The following STXBP4 variants were observed in gnomAD, a reference collection of about 807,000 sequenced individuals.
STXBP4 encodes syntaxin-binding protein 4.
STXBP4 carries 55 observed loss-of-function variants against 76.1 expected under a neutral mutation model. The observed-to-expected ratio is 0.72, with a 90% CI of 0.58 to 0.91. The LOEUF is 0.91. Among genes scored for constraint, STXBP4 ranks in the 40% least tolerant of loss-of-function variants. The pLI is 0.00. For missense variants in STXBP4, 618 were observed against 636.9 expected (o/e 0.97, Z 0.32); for synonymous variants, 201 against 220.2 (o/e 0.91, Z 0.77).
intron 16 of STXBP4, among the ~76,000 whole-genome samples, chr17:55,138,665 A>G (rs1200340954): frequency 1.1e-4 from 17 of 152,150 alleles, no homozygotes; most frequent in Admixed American, 1.0e-3. Flanking sequence ...ATTTCCAAGT[A>G]TAAAGATATG....
chr17:55,053,113 A>G (rs1185383768), intron 12 of STXBP4, among the ~76,000 whole-genome samples: 1 of 152,044 alleles, frequency 6.6e-6, no homozygotes, highest in East Asian at 1.9e-4. Flanking sequence ...AAAGGATATT[A>G]TTGGGTCAGT....
intron 10 of STXBP4, among the ~76,000 whole-genome samples, chr17:55,035,832 G>C (rs1224362501): frequency 6.6e-6 from 1 of 151,706 alleles, no homozygotes; most frequent in East Asian, 1.9e-4. Context: ...CATAAGTCTT[G>C]ATATCTAATA....
At chr17:55,198,961 GAC>G in the STXBP4 span, among the ~76,000 whole-genome samples, 1 of 152,156 alleles carries the variant, frequency 6.6e-6, no homozygotes, top group Non-Finnish European at 1.5e-5. Flanking sequence ...TAAAGGCTCT[GAC>G]ACAGTCTTTC....
chr17:55,079,934 A>T (rs2079235568), intron 15 of STXBP4, among the ~76,000 whole-genome samples: 1 of 152,174 alleles, frequency 6.6e-6, no homozygotes, highest in Non-Finnish European at 1.5e-5. Flanking sequence ...AAGGAACCTG[A>T]CATAACTTCT....
intron 1 of STXBP4, among the ~76,000 whole-genome samples, chr17:54,970,482 C>G (rs893908345): frequency 4.6e-5 from 7 of 152,310 alleles, no homozygotes; most frequent in East Asian, 1.9e-4. Flanking sequence ...TAAATACCTT[C>G]TGACTTCTTT....
the STXBP4 span, among the ~76,000 whole-genome samples, chr17:55,192,846 A>AAT: frequency 6.6e-6 from 1 of 152,174 alleles, no homozygotes; most frequent in Non-Finnish European, 1.5e-5. Flanking sequence ...CAGACACTCA[A>AAT]ATCTTTGTCT....
intron 16 of STXBP4, among the ~76,000 whole-genome samples, chr17:55,082,040 C>G (rs12603606): frequency 0.2 from 29,894 of 151,992 alleles, 3,531 homozygotes; most frequent in East Asian, 0.5. Flanking sequence ...TATAATTTAC[C>G]TAACTATACC....
In STXBP4 at chr17:55,081,144, G is replaced by C. The variant is rs771802111; in HGVS notation, c.1450G>C (p.Glu484Gln). Reference sequence around the variant, plus strand: ...AGCAACGCTGGCGCTTGAATCTAAGGAACTTGTTAAATCTGTTCGTGCCTT... The same window carrying C: ...AGCAACGCTGGCGCTTGAATCTAAGCAACTTGTTAAATCTGTTCGTGCCTT... ...IPATLALESK[E>Q]LVKSVRALLD... Residue 484 changes from glutamate to glutamine, a missense_variant, in exon 16 of 18, where the codon GAA becomes CAA. Transcript: ENST00000376352. 6 of 1,548,068 alleles carry C rather than the reference G, an allele frequency of 3.9e-6. No homozygotes were observed. The East Asian group carries it at 1.3e-4, about 33-fold the overall frequency.
chr17:55,176,260 T>C (rs1302382207), downstream of STXBP4, among the ~76,000 whole-genome samples: 4 of 152,126 alleles, frequency 2.6e-5, no homozygotes, highest in African/African-American at 9.7e-5. Context: ...AGTGGAAGCA[T>C]GTAACTCAGG....
intron 17 of STXBP4, among the ~76,000 whole-genome samples, chr17:55,153,268 G>C (rs1162882662): frequency 1.3e-5 from 2 of 152,186 alleles, no homozygotes; most frequent in African/African-American, 2.4e-5. Context: ...GAAAACTGTA[G>C]AGGTTGATGG....
intron 8 of STXBP4, among the ~76,000 whole-genome samples, chr17:55,012,562 T>G (rs2078134067): frequency 6.6e-6 from 1 of 152,154 alleles, no homozygotes; most frequent in Non-Finnish European, 1.5e-5. Flanking sequence ...CCCTCGGAAG[T>G]TAGGAATTCC....
chr17:55,014,662 C>A (rs2078173709), intron 8 of STXBP4, among the ~76,000 whole-genome samples: 3 of 152,172 alleles, frequency 2.0e-5, no homozygotes, highest in Admixed American at 1.3e-4. Context: ...AGTCCTGCTG[C>A]TGGATCCATC....
At chr17:55,192,790 A>C in the STXBP4 span, among the ~76,000 whole-genome samples, 2 of 152,296 alleles carry the variant, frequency 1.3e-5, no homozygotes, top group African/African-American at 4.8e-5. Context: ...CTTTCAGGGG[A>C]TCCAGCCAGT....
chr17:55,141,232 T>G, intron 16 of STXBP4, 78 bp from the exon 17 acceptor site: 1 of 1,149,496 alleles, frequency 8.7e-7, no homozygotes, highest in Non-Finnish European at 1.3e-6. Flanking sequence ...ATTGTAAAGA[T>G]GAGGGAGGTT....
chr17:55,093,987 G>A (rs1224865523), intron 16 of STXBP4, among the ~76,000 whole-genome samples: 1 of 152,056 alleles, frequency 6.6e-6, no homozygotes, highest in African/African-American at 2.4e-5. Flanking sequence ...ACCAGATTAT[G>A]TATTAGGAAA....
intron 13 of STXBP4, among the ~76,000 whole-genome samples, chr17:55,077,684 A>G (rs2079199832): frequency 2.9e-5 from 3 of 105,076 alleles, no homozygotes; most frequent in East Asian, 2.6e-4. Flanking sequence ...TTTGTCTTAC[A>G]TCGTGTGTGT....
intron 1 of STXBP4, among the ~76,000 whole-genome samples, chr17:54,974,858 C>T (rs550852616): frequency 5.3e-5 from 8 of 152,306 alleles, no homozygotes; most frequent in African/African-American, 1.2e-4. Context: ...TAGTTATACC[C>T]GCTTTTAATT....
intron 12 of STXBP4, among the ~76,000 whole-genome samples, chr17:55,056,949 C>T (rs1185241254): frequency 1.3e-5 from 2 of 152,128 alleles, no homozygotes; most frequent in African/African-American, 4.8e-5. Context: ...GTTTTCATAG[C>T]CAATTTATGT....
At chr17:55,006,508 G>A (rs1401638611) in intron 7 of STXBP4, among the ~76,000 whole-genome samples, 1 of 152,146 alleles carries the variant, frequency 6.6e-6, no homozygotes, top group Non-Finnish European at 1.5e-5. Context: ...ATGAATTACA[G>A]GAATTTGTTT....
Sources: gnomAD v4.1 joint callset for allele counts (sites outside exome capture counted in the v4.1 genomes callset) on GRCh38, gnomAD v4.1.1 for gene constraint, MANE v1.5 for transcripts, NCBI Gene and HGNC (gene_info 2026-07-23, HGNC 2026-07-21) for gene names.